The following FANCB variants were observed in gnomAD, a reference collection of about 807,000 sequenced individuals.
FANCB encodes the protein Fanconi anemia group B protein.
FANCB carries 5 observed loss-of-function variants against 38.9 expected under a neutral mutation model. The observed-to-expected ratio is 0.13, with a 90% confidence interval of 0.07 to 0.27. FANCB has a LOEUF of 0.27. FANCB is among the 10% of genes least tolerant of loss of function. The pLI, the probability that FANCB is intolerant of heterozygous loss-of-function variation, is 1.00. For missense variants in FANCB, 573 were observed against 602.7 expected, an observed-to-expected ratio of 0.95 and a Z score of 0.52; for synonymous variants, 236 against 215.4, an observed-to-expected ratio of 1.10 and a Z score of -0.84.
chrX:14,801,509 T>C, the FANCB span, among the ~76,000 whole-genome samples: 1 of 112,240 alleles, frequency 8.9e-6, no homozygotes, highest in Non-Finnish European at 1.9e-5. Context: ...TGATGGGTTA[T>C]AAACAGATTT....
At chrX:14,828,717 TTTG>T in the FANCB span, among the ~76,000 whole-genome samples, 1 of 111,124 alleles carries the variant, frequency 9.0e-6, no homozygotes, top group Non-Finnish European at 1.9e-5. Context: ...AAAGTTTATT[TTTG>T]TTGTTGTTGT....
chrX:14,850,116 A>C (rs759041912), intron 7 of FANCB, among the ~76,000 whole-genome samples: 16 of 112,225 alleles, frequency 1.4e-4, no homozygotes, highest in Non-Finnish European at 3.0e-4. Context: ...TTGGGAGGCC[A>C]AGGTGGGTGG....
the FANCB span, among the ~76,000 whole-genome samples, chrX:14,827,293 G>A: frequency 9.0e-6 from 1 of 111,560 alleles, no homozygotes; most frequent in South Asian, 3.7e-4. Context: ...TATCAGGAGT[G>A]AGTTAAATCT....
the FANCB span, among the ~76,000 whole-genome samples, chrX:14,748,663 T>C: frequency 8.9e-6 from 1 of 112,478 alleles, no homozygotes; most frequent in Admixed American, 9.4e-5. Context: ...CTGGTATTTG[T>C]GGAAAACTAA....
At chrX:14,749,181 A>AGGACAAATTTTGGT in the FANCB span, among the ~76,000 whole-genome samples, 1 of 112,059 alleles carries the variant, frequency 8.9e-6, no homozygotes, top group Non-Finnish European at 1.9e-5. Flanking sequence ...CAGGGTAAGG[A>AGGACAAATTTTGGT]GGACAAATTT....
At chrX:14,730,891 TACACACACACACACACACAC>T in the FANCB span, 12,455 of 97,622 alleles carry the variant, frequency 0.13, 793 homozygotes, top group Non-Finnish European at 0.14. Flanking sequence ...AAGTTAGCTA[TACACACACACACACACACAC>T]ACACACACAC....
At chrX:14,801,081 G>A in the FANCB span, among the ~76,000 whole-genome samples, 1 of 111,462 alleles carries the variant, frequency 9.0e-6, no homozygotes, top group East Asian at 2.8e-4. Context: ...ACATTGATTA[G>A]ATTGACCGTG....
intron 2 of FANCB, among the ~76,000 whole-genome samples, chrX:14,868,271 C>T (rs1444712451): frequency 8.9e-6 from 1 of 111,745 alleles, no homozygotes; most frequent in Non-Finnish European, 1.9e-5. Flanking sequence ...TTATTCAGCA[C>T]TATTTACAAT....
rs777060119 is a variant in FANCB, at chrX:14,853,729, TCTACTGAAAA to T, written c.1198-572_1198-563del. On this transcript the variant is annotated intron_variant, in intron 5 of 9. Transcript: ENST00000650831. The stretch of plus-strand genomic sequence containing the variant: ...TGTGCTAATAAACTCAGTGCTAGAG[TCTACTGAAAA>T]CTACTGAAAAAAATAACAATTTGGC... Among the ~76,000 whole-genome samples, 9 of 111,638 alleles carry T rather than the reference TCTACTGAAAA, an allele frequency of 8.1e-5. No homozygotes were observed. The East Asian group carries it at 2.5e-3, about 31-fold the overall frequency.
downstream of FANCB, among the ~76,000 whole-genome samples, chrX:14,842,316 A>T (rs1477715758): frequency 9.0e-6 from 1 of 111,534 alleles, no homozygotes; most frequent in Non-Finnish European, 1.9e-5. Context: ...TTCTCTAAAA[A>T]CCATGTGCAT....
chrX:14,838,665 CA>C (rs2092347015), downstream of FANCB, among the ~76,000 whole-genome samples: 1 of 111,585 alleles, frequency 9.0e-6, no homozygotes, highest in South Asian at 3.7e-4. Context: ...ATCAGGCTTA[CA>C]AAAAAACCTA....
At chrX:14,859,472 C>A in intron 3 of FANCB, 138 bp from the exon 4 acceptor site, 3 of 442,948 alleles carry the variant, frequency 6.8e-6, no homozygotes, top group Admixed American at 4.3e-5. Flanking sequence ...ATAGTAAAAA[C>A]TAAAATAAAA....
At chrX:14,704,904 G>T in the FANCB span, among the ~76,000 whole-genome samples, 2 of 111,932 alleles carry the variant, frequency 1.8e-5, no homozygotes, top group African/African-American at 6.5e-5. Flanking sequence ...CTAATATGAG[G>T]TAGAGAATTT....
At chrX:14,732,347 G>A in the FANCB span, among the ~76,000 whole-genome samples, 1 of 111,892 alleles carries the variant, frequency 8.9e-6, no homozygotes, top group Non-Finnish European at 1.9e-5. Flanking sequence ...ATAAATATAT[G>A]TGTGCATGTA....
the FANCB span, among the ~76,000 whole-genome samples, chrX:14,729,192 A>G: frequency 8.9e-6 from 1 of 112,347 alleles, no homozygotes; most frequent in African/African-American, 3.2e-5. Flanking sequence ...TTTGGGAAAC[A>G]TAACCATTAT....
chrX:14,849,827 A>G (rs758858571), intron 7 of FANCB, among the ~76,000 whole-genome samples: 1 of 111,658 alleles, frequency 9.0e-6, no homozygotes, highest in South Asian at 3.7e-4. Flanking sequence ...ATTTGTGTAA[A>G]AGAGATACTT....
At chrX:14,870,586 G>T (rs906008761) in intron 1 of FANCB, among the ~76,000 whole-genome samples, 6 of 111,790 alleles carry the variant, frequency 5.4e-5, no homozygotes, top group Non-Finnish European at 1.1e-4. Context: ...AATTAAAACA[G>T]ATGTGTGTGT....
the FANCB span, among the ~76,000 whole-genome samples, chrX:14,796,576 A>ATATATATGTTACATATTATATAT: frequency 2.8e-4 from 27 of 94,870 alleles, no homozygotes; most frequent in African/African-American, 1.0e-3. Context: ...ATATTATATA[A>ATATATATGTTACATATTATATAT]TATATATGTT....
At chrX:14,870,463 G>A (rs1037583535) in intron 1 of FANCB, among the ~76,000 whole-genome samples, 10 of 110,541 alleles carry the variant, frequency 9.0e-5, no homozygotes, top group Admixed American at 7.7e-4. Context: ...GCGGTGCGGG[G>A]CGGGGCGTGG....
Sources: gnomAD v4.1 joint callset for allele counts (sites outside exome capture counted in the v4.1 genomes callset) on GRCh38, gnomAD v4.1.1 for gene constraint, MANE v1.5 for transcripts, NCBI Gene and HGNC (gene_info 2026-07-23, HGNC 2026-07-21) for gene names.